Variants in PPP2R3B observed in about 807,000 individuals in gnomAD.
PPP2R3B encodes protein phosphatase 2 regulatory subunit B''beta.
A neutral mutation model predicts 72.9 loss-of-function variants in PPP2R3B; 68 were observed. That is an observed-to-expected ratio of 0.93 (90% CI 0.77 to 1.14). PPP2R3B has a LOEUF of 1.14. Ranked by LOEUF, PPP2R3B falls within the 50% of genes most tolerant of loss-of-function variation. PPP2R3B has a pLI of 0.00. For synonymous variants in PPP2R3B, 466 were observed against 375.8 expected (o/e 1.24, Z -2.78); for missense variants, 1,018 against 842.0 (o/e 1.21, Z -2.59).
chrX:336,585 A>T (rs1428550819), intron 12 of PPP2R3B: 1 of 152,292 alleles, frequency 6.6e-6, no homozygotes, highest in African/African-American at 2.4e-5. Context: ...AGAGAGGTGA[A>T]AAGGAAGACG....
chrX:341,502 G>GGCCCTCCTCCTGCCCTCCTCCT, intron 8 of PPP2R3B, 106 bp from the exon 9 acceptor site: 1 of 1,100,110 alleles, frequency 9.1e-7, no homozygotes, highest in Non-Finnish European at 1.4e-6. Flanking sequence ...CCCCGGGCCC[G>GGCCCTCCTCCTGCCCTCCTCCT]GCCCTCCTCC....
At chrX:360,293 G>GGAGGCC (rs1180950922) in intron 2 of PPP2R3B, among the ~76,000 whole-genome samples, 1 of 152,192 alleles carries the variant, frequency 6.6e-6, no homozygotes, top group African/African-American at 2.4e-5. Flanking sequence ...CAGCACTTTG[G>GGAGGCC]GAGGCCGAGG....
Position 341,061 on chromosome X carries a change from G to T in PPP2R3B, c.1176-121C>A. On this transcript the variant is annotated intron_variant, in intron 9 of 12. Transcript: ENST00000390665. Reference sequence around the variant, plus strand: ...CCCGCTGTGCCTTGCAGCCCCCACCGGGCGTGCAGGCATCCCCTGCCCCCT... The same window carrying T: ...CCCGCTGTGCCTTGCAGCCCCCACCTGGCGTGCAGGCATCCCCTGCCCCCT... 9 of 1,353,942 alleles carry T rather than the reference G, an allele frequency of 6.6e-6. 1 individual carries two copies. Among genetic ancestry groups the T allele is most frequent in the Non-Finnish European group, 7.0e-6 (7 of 999,558 alleles). The allele number at this position is 1,353,942 out of a possible 1,614,324, so 83.9% of individuals were successfully genotyped here. A position where few individuals can be genotyped will look rare whatever the true frequency, so the allele number is the denominator to read the frequency against.
chrX:334,356 C>T lies in PPP2R3B; in HGVS notation c.*11G>A, dbSNP rs1318208103. The T allele has an allele frequency of 5.9e-5, 87 of 1,472,414 alleles. No homozygotes were observed. Among genetic ancestry groups the T allele is most frequent in the Middle Eastern group, 2.5e-4 (1 of 3,942 alleles). 91.2% of individuals were successfully genotyped at this position (1,472,414 alleles called of 1,614,324 possible). A position where few individuals can be genotyped will look rare whatever the true frequency, so the allele number is the denominator to read the frequency against. On this transcript the variant is annotated 3_prime_UTR_variant, in exon 13 of 13. Transcript: ENST00000390665. ...GGGAGCGGCCCCGCGGCGGCGTTCT[C>T]GCGGGCGGCGTCACAGCGGCTCCAG...
In PPP2R3B at chrX:372,244, C is replaced by T. The variant is rs2071882981; in HGVS notation, c.325-10654G>A. Among the ~76,000 whole-genome samples the T allele has an allele frequency of 4.6e-5, 7 of 152,212 alleles. No individual in the cohort carries two copies. In the South Asian group the frequency reaches 1.4e-3, roughly 31 times the overall value. On this transcript the variant is annotated intron_variant, in intron 1 of 12. Coordinates refer to ENST00000390665, the MANE Select transcript of PPP2R3B (RefSeq NM_013239.5). The stretch of plus-strand genomic sequence containing the variant: ...CCTTACCCACTTACAGGCAAAATGT[C>T]AAAACCTGGAAGACAGAGGTCAAAA...
chrX:369,409 G>A (rs1451177213), intron 1 of PPP2R3B, among the ~76,000 whole-genome samples: 1 of 152,182 alleles, frequency 6.6e-6, no homozygotes, highest in Non-Finnish European at 1.5e-5. Context: ...TCTGTTGAGG[G>A]CACTGAGAAG....
chrX:334,226 TCAA>T lies in PPP2R3B; in HGVS notation c.*138_*140del. ...TCCAGCCACGAACCCACAGCGGCAA[TCAA>T]CACGCTTCTGTGAATAAATAAAAGT... On this transcript the variant is annotated 3_prime_UTR_variant, in exon 13 of 13. Coordinates refer to ENST00000390665, the MANE Select transcript of PPP2R3B (RefSeq NM_013239.5). The T allele has an allele frequency of 9.4e-7, 1 of 1,064,720 alleles. No homozygotes were observed. The highest frequency in any genetic ancestry group is 1.2e-6 in the Non-Finnish European group (1 of 802,868). The allele number at this position is 1,064,720 out of a possible 1,614,324, so 66.0% of individuals were successfully genotyped here. A position where few individuals can be genotyped will look rare whatever the true frequency, so the allele number is the denominator to read the frequency against.
At chrX:341,103 G>C in intron 9 of PPP2R3B, 163 bp from the exon 10 acceptor site, 1 of 642,648 alleles carries the variant, frequency 1.6e-6, no homozygotes, top group Non-Finnish European at 1.9e-6. Context: ...CCCACCGGGC[G>C]CGCACGCGTC....
At chrX:354,308 G>A (rs62581489) in intron 2 of PPP2R3B, among the ~76,000 whole-genome samples, 43,365 of 150,776 alleles carry the variant, frequency 0.29, 7,133 homozygotes, top group Non-Finnish European at 0.38. Flanking sequence ...ACACTCAGAC[G>A]TCAGTCAGGT....
chrX:345,553 GA>G lies in PPP2R3B; in HGVS notation c.998del (p.Leu333ProfsTer19). On this transcript the variant is annotated frameshift_variant, in exon 7 of 13. Transcript: ENST00000390665. LOFTEE classifies it high-confidence loss of function. ...FWELDTDHDL[L>X]IDADDLARHN... is the part of the protein sequence containing the mutation. ...GCCGCGCCAGGTCGTCCGCGTCGAT[GA>G]GCAGGTCGTGGTCCGTGTCCAGCTC... 6.2e-7 allele frequency: 1 copy of G among 1,613,204 alleles called. No individual in the cohort carries two copies. Among genetic ancestry groups the G allele is most frequent in the Non-Finnish European group, 8.5e-7 (1 of 1,179,504 alleles).
intron 2 of PPP2R3B, among the ~76,000 whole-genome samples, chrX:348,287 CCTGG>C (rs58690136): frequency 0.79 from 119,081 of 151,344 alleles, 47,001 homozygotes; most frequent in Middle Eastern, 0.85. Flanking sequence ...ATTAATTAAC[CCTGG>C]CTGGCTGGGC....
Position 341,930 on chromosome X carries a change from G to T in PPP2R3B, c.1038C>A (p.Ala346=). The T allele has an allele frequency of 6.2e-7, 1 of 1,612,724 alleles. No homozygotes were observed. The highest frequency in any genetic ancestry group is 8.5e-7 in the Non-Finnish European group (1 of 1,179,762). ...TCCTGTCTATCATCTTGGTAGAAAG[G>T]GCTGGAAAGGAATGCGGTTGATGGG... ...ADDLARHNDH[A]LSTKMIDRIF... is the part of the protein sequence containing the mutation. The change falls in exon 8 of 13, where the codon GCC becomes GCA. Residue 346 remains alanine (A), a splice_region_variant and synonymous_variant. Coordinates refer to ENST00000390665, the MANE Select transcript of PPP2R3B (RefSeq NM_013239.5).
intron 2 of PPP2R3B, 34 bp downstream of exon 2, chrX:361,371 C>T (rs369890858): frequency 3.1e-6 from 5 of 1,611,444 alleles, no homozygotes; most frequent in Non-Finnish European, 4.2e-6. Flanking sequence ...GCAGTACCAC[C>T]TCGGCTGCTC....
At position 386,563 on chromosome X, in the gene PPP2R3B, C is replaced by T. The variant is rs779438935; in HGVS notation, c.129G>A (p.Gly43=). Residue 43 remains glycine, a synonymous_variant, in exon 1 of 13, where the codon GGG becomes GGA. Coordinates refer to ENST00000390665, the MANE Select transcript of PPP2R3B (RefSeq NM_013239.5). ...QDCLRRIKAP[G]RDQPTPGDGE... is the part of the protein sequence containing the mutation. The stretch of plus-strand genomic sequence containing the variant: ...CGTCCCCCGGGGTCGGCTGGTCCCG[C>T]CCGGGCGCCTTGATCCGGCGCAGGC... 683 of 1,439,462 alleles carry T rather than the reference C, an allele frequency of 4.7e-4. 10 individuals are homozygous for T. In the East Asian group the frequency reaches 0.021, roughly 44 times the overall value. The allele number at this position is 1,439,462 out of a possible 1,614,324, so 89.2% of individuals were successfully genotyped here. A position where few individuals can be genotyped will look rare whatever the true frequency, so the allele number is the denominator to read the frequency against.
chrX:354,965 G>A (rs1002795144), intron 2 of PPP2R3B, among the ~76,000 whole-genome samples: 5 of 152,364 alleles, frequency 3.3e-5, no homozygotes, highest in African/African-American at 7.2e-5. Context: ...AGCCCGAGGC[G>A]GGAAGGGGCG....
At chrX:363,487 AGCATCCCACAATGCATCTCCCCGAGCCCG>A (rs2071597103) in intron 1 of PPP2R3B, among the ~76,000 whole-genome samples, 23 of 54,850 alleles carry the variant, frequency 4.2e-4, no homozygotes, top group South Asian at 1.9e-3. Context: ...CCCCGAGCCC[AGCATCCCACAATGCATCTCCCCGAGCCCG>A]CGATCCCGCA....
At chrX:363,746 C>T (rs1257537613) in intron 1 of PPP2R3B, among the ~76,000 whole-genome samples, 13 of 152,270 alleles carry the variant, frequency 8.5e-5, no homozygotes, top group South Asian at 8.3e-4. Flanking sequence ...GGCGCCTTCC[C>T]GTCTCTCGCT....
chrX:351,447 A>G (rs1452027481), intron 2 of PPP2R3B, among the ~76,000 whole-genome samples: 1 of 152,208 alleles, frequency 6.6e-6, no homozygotes. Context: ...GCAGGGATGG[A>G]GCATCAGATC....
intron 1 of PPP2R3B, among the ~76,000 whole-genome samples, chrX:376,612 G>A (rs1352548448): frequency 2.1e-4 from 10 of 48,306 alleles, no homozygotes; most frequent in South Asian, 8.4e-4. Context: ...CAGTGGGGCC[G>A]CCATGGGGCT....
Sources: gnomAD v4.1 joint callset for allele counts (sites outside exome capture counted in the v4.1 genomes callset) on GRCh38, gnomAD v4.1.1 for gene constraint, MANE v1.5 for transcripts, NCBI Gene and HGNC (gene_info 2026-07-23, HGNC 2026-07-21) for gene names.